The following DLGAP1 variants were observed in gnomAD, a reference collection of about 807,000 sequenced individuals.
DLGAP1 encodes the protein DLG associated protein 1.
DLGAP1 carries 11 observed loss-of-function variants against 90.8 expected under a neutral mutation model. The ratio of observed to expected loss-of-function variants is 0.12; its 90% CI spans 0.08 to 0.20. DLGAP1 has a LOEUF of 0.20. Among genes scored for constraint, DLGAP1 ranks in the 10% least tolerant of loss-of-function variants. The probability of loss-of-function intolerance (pLI) is 1.00; values close to 1 mark genes in which losing one functional copy is unlikely to be tolerated. For synonymous variants in DLGAP1, 558 were observed against 540.7 expected (o/e 1.03, Z -0.44); for missense variants, 1,050 against 1,333.8 (o/e 0.79, Z 3.31).
In DLGAP1 at chr18:3,765,119, TTTTTTTTTTTC is replaced by T. The variant is rs1440983239; in HGVS notation, c.1173-22618_1173-22608del. On this transcript the variant is annotated intron_variant, in intron 5 of 12. Transcript: ENST00000315677. ...GAATCTCCATGCACACTTGCAAACT[TTTTTTTTTTTC>T]TTTTTTTTTTTTTTTGAGACAGAGT... 2.1e-3 allele frequency among the ~76,000 whole-genome samples: 277 copies of T among 134,350 alleles called. 7 individuals are homozygous for T. Among genetic ancestry groups the T allele is most frequent in the African/African-American group, 7.5e-3 (253 of 33,826 alleles). 88.1% of individuals were successfully genotyped at this position (134,350 alleles called of 152,430 possible).
intron 1 of DLGAP1, among the ~76,000 whole-genome samples, chr18:4,444,995 C>G (rs2083625648): frequency 6.6e-6 from 1 of 152,202 alleles, no homozygotes; most frequent in Non-Finnish European, 1.5e-5. Flanking sequence ...CACTTCCCAT[C>G]TGGAACACAG....
At chr18:4,320,510 C>T (rs1340034478) in intron 1 of DLGAP1, among the ~76,000 whole-genome samples, 1 of 152,142 alleles carries the variant, frequency 6.6e-6, no homozygotes, top group African/African-American at 2.4e-5. Flanking sequence ...AGTAGCAAAA[C>T]TGAGTGGGAG....
intron 7 of DLGAP1, among the ~76,000 whole-genome samples, chr18:3,600,989 T>TATATAG (rs2056972778): frequency 3.9e-5 from 2 of 50,692 alleles, no homozygotes; most frequent in African/African-American, 1.0e-4. Flanking sequence ...TAGATATAGA[T>TATATAG]ATATAGATAT....
In DLGAP1 at chr18:3,517,636, G is replaced by A. The variant is rs915420093; in HGVS notation, c.2480-8975C>T. On this transcript the variant is annotated intron_variant, in intron 10 of 12. Coordinates refer to ENST00000315677, the MANE Select transcript of DLGAP1 (RefSeq NM_004746.4). The surrounding 1 kb of genome is among the most constrained non-coding windows in gnomAD (Gnocchi z 4.1). ...AGGTCGAGACAAGCCTGACCAACAT[G>A]GTGAAACCAAGTCTCTACTAAAAAT... Among the ~76,000 whole-genome samples the A allele has an allele frequency of 4.2e-4, 64 of 152,072 alleles. No individual in the cohort carries two copies. Among genetic ancestry groups the A allele is most frequent in the Non-Finnish European group, 4.3e-4 (29 of 68,006 alleles).
intron 1 of DLGAP1, among the ~76,000 whole-genome samples, chr18:4,401,743 A>G (rs938811699): frequency 1.6e-4 from 24 of 152,238 alleles, no homozygotes; most frequent in African/African-American, 5.5e-4. Context: ...TTCATTTTTT[A>G]AACTTGGTAT....
At chr18:3,742,058 A>T (rs1304497319) in intron 6 of DLGAP1, among the ~76,000 whole-genome samples, 1 of 151,926 alleles carries the variant, frequency 6.6e-6, no homozygotes, top group Admixed American at 6.6e-5. Flanking sequence ...GGCCAGGCTG[A>T]TCTTGAACTC....
Position 4,435,052 on chromosome 18 carries a change from G to T in DLGAP1, c.-267+19954C>A, listed in dbSNP as rs2083370790. 2.0e-5 allele frequency among the ~76,000 whole-genome samples: 3 copies of T among 152,194 alleles called. No homozygotes were observed. In the South Asian group the frequency reaches 6.2e-4, roughly 32 times the overall value. On this transcript the variant is annotated intron_variant, in intron 1 of 12. Coordinates refer to ENST00000315677, the MANE Select transcript of DLGAP1 (RefSeq NM_004746.4). ...GGTCATGGAGGGCTAGACATGAAAT[G>T]ATTTAATTTGGGAACTTAGCAAAAT...
chr18:3,768,254 A>G (rs3959690), intron 5 of DLGAP1, among the ~76,000 whole-genome samples: 39,078 of 151,946 alleles, frequency 0.26, 6,122 homozygotes, highest in East Asian at 0.55. Flanking sequence ...ATATGTTCGG[A>G]TCTGGTGAGC....
chr18:3,805,138 C>G, intron 5 of DLGAP1, among the ~76,000 whole-genome samples: 2 of 152,228 alleles, frequency 1.3e-5, no homozygotes, highest in Admixed American at 6.5e-5. Context: ...ATATGTGGAG[C>G]AACTACTGTG....
intron 10 of DLGAP1, among the ~76,000 whole-genome samples, chr18:3,510,518 T>C (rs1168701438): frequency 6.6e-6 from 1 of 152,198 alleles, no homozygotes; most frequent in Admixed American, 6.5e-5. Context: ...GGGTGACCTG[T>C]TCCAGCTCCA....
intron 5 of DLGAP1, among the ~76,000 whole-genome samples, chr18:3,792,018 C>T (rs1164625218): frequency 1.3e-5 from 2 of 152,198 alleles, no homozygotes; most frequent in African/African-American, 2.4e-5. Context: ...GGACCACCCC[C>T]CACCCCACTA....
At chr18:3,762,780 G>C (rs888284083) in intron 5 of DLGAP1, among the ~76,000 whole-genome samples, 5 of 152,140 alleles carry the variant, frequency 3.3e-5, no homozygotes, top group Non-Finnish European at 7.3e-5. Flanking sequence ...TAGGTGACAT[G>C]ACCCTCCACT....
intron 2 of DLGAP1, among the ~76,000 whole-genome samples, chr18:4,039,250 C>T (rs117889643): frequency 0.02 from 3,115 of 152,242 alleles, 52 homozygotes; most frequent in Non-Finnish European, 0.028. Flanking sequence ...TAGTTATTCC[C>T]TCTCTGACCC....
chr18:4,354,596 C>T (rs2081466851), intron 1 of DLGAP1, among the ~76,000 whole-genome samples: 1 of 152,026 alleles, frequency 6.6e-6, no homozygotes, highest in Non-Finnish European at 1.5e-5. Flanking sequence ...ATTTGCAATG[C>T]TTTTCTCTTG....
chr18:3,498,285 A>G lies in DLGAP1; in HGVS notation c.*900T>C, dbSNP rs867010362. 3.9e-4 allele frequency: 59 copies of G among 152,362 alleles called. No individual in the cohort carries two copies. Among genetic ancestry groups the G allele is most frequent in the African/African-American group, 1.3e-3 (56 of 41,580 alleles). 9.4% of individuals were successfully genotyped at this position (152,362 alleles called of 1,614,324 possible). ...TAAAAACAGCCGCCACGACAACAAT[A>G]TAAATATACACAGTACAATAAGAGT... On this transcript the variant is annotated 3_prime_UTR_variant, in exon 13 of 13. Coordinates refer to ENST00000315677, the MANE Select transcript of DLGAP1 (RefSeq NM_004746.4).
At chr18:3,628,428 T>G (rs941732638) in intron 7 of DLGAP1, among the ~76,000 whole-genome samples, 1 of 152,054 alleles carries the variant, frequency 6.6e-6, no homozygotes, top group African/African-American at 2.4e-5. Flanking sequence ...CCTCAAGTGA[T>G]CCACCCACCT....
At position 3,604,866 on chromosome 18, in the gene DLGAP1, A is replaced by G. The variant is rs993358443; in HGVS notation, c.1592-22618T>C. On this transcript the variant is annotated intron_variant, in intron 7 of 12. Coordinates refer to ENST00000315677, the MANE Select transcript of DLGAP1 (RefSeq NM_004746.4). ...AAATGTCAGCGTACATCCTGTGTAG[A>G]AAAAGTAAGTCTTGTTGTGAAACCT... 2.1e-4 allele frequency among the ~76,000 whole-genome samples: 32 copies of G among 152,328 alleles called. No individual in the cohort carries two copies. In the South Asian group the frequency reaches 6.0e-3, roughly 29 times the overall value.
At chr18:4,206,545 C>T (rs1194154782) in intron 1 of DLGAP1, among the ~76,000 whole-genome samples, 7 of 152,242 alleles carry the variant, frequency 4.6e-5, no homozygotes, top group South Asian at 2.1e-4. Flanking sequence ...ATAAAGAAAC[C>T]GTGTCTTCCA....
chr18:4,390,418 G>T (rs1022836415), intron 1 of DLGAP1, among the ~76,000 whole-genome samples: 1 of 151,826 alleles, frequency 6.6e-6, no homozygotes, highest in African/African-American at 2.4e-5. Flanking sequence ...TCTCGGTGTT[G>T]CACATTCTAC....
Sources: gnomAD v4.1 joint callset for allele counts (sites outside exome capture counted in the v4.1 genomes callset) on GRCh38, gnomAD v4.1.1 for gene constraint, Gnocchi (gnomAD v3.1) non-coding constraint, MANE v1.5 for transcripts, NCBI Gene and HGNC (gene_info 2026-07-23, HGNC 2026-07-21) for gene names.